PDE4D: variants seen among roughly 807,000 people sequenced by gnomAD.
PDE4D encodes 3',5'-cyclic-AMP phosphodiesterase 4D.
A neutral mutation model predicts 87.4 loss-of-function variants in PDE4D; 24 were observed. The ratio of observed to expected loss-of-function variants is 0.27; its 90% confidence interval spans 0.20 to 0.39. The LOEUF is 0.39. PDE4D is among the 10% of genes least tolerant of loss of function. The probability of loss-of-function intolerance (pLI) is 1.00; values close to 1 mark genes in which losing one functional copy is unlikely to be tolerated. For missense variants in PDE4D, 714 were observed against 1,041.0 expected (o/e 0.69, Z 4.32); for synonymous variants, 384 against 383.2 (o/e 1.00, Z -0.02).
intron 1 of PDE4D, among the ~76,000 whole-genome samples, chr5:59,638,476 G>A (rs561371146): frequency 6.6e-6 from 1 of 152,038 alleles, no homozygotes; most frequent in Non-Finnish European, 1.5e-5. Flanking sequence ...TAAAAAAAGG[G>A]AATTCATCAT....
chr5:59,830,906 T>C (rs935726515), intron 1 of PDE4D, among the ~76,000 whole-genome samples: 1 of 152,100 alleles, frequency 6.6e-6, no homozygotes, highest in East Asian at 1.9e-4. Flanking sequence ...TCACCTATCA[T>C]TTTAATGGTT....
chr5:59,808,485 T>G (rs921621409), intron 1 of PDE4D, among the ~76,000 whole-genome samples: 2 of 152,164 alleles, frequency 1.3e-5, no homozygotes, highest in Admixed American at 6.5e-5. Flanking sequence ...GGGCAAAGCC[T>G]GCTAATAAAC....
chr5:59,001,769 A>C (rs1292766167), intron 6 of PDE4D, among the ~76,000 whole-genome samples: 1 of 152,224 alleles, frequency 6.6e-6, no homozygotes, highest in Admixed American at 6.5e-5. Context: ...AAACTTTTTC[A>C]AAACTGTGAG....
intron 3 of PDE4D, among the ~76,000 whole-genome samples, chr5:59,952,633 T>C (rs914473116): frequency 6.6e-6 from 1 of 152,224 alleles, no homozygotes; most frequent in Non-Finnish European, 1.5e-5. Flanking sequence ...TGATGCTCTG[T>C]GGTTTCCAAG....
In PDE4D at chr5:59,694,389, G is replaced by A. The variant is rs368003344; in HGVS notation, c.455+198779C>T. ...ACTCTATGTCTATGTCTGGCACTGC[G>A]CAGTGAGCCTCTGTTCTTAAAGGAA... On this transcript the variant is annotated intron_variant, in intron 1 of 14. Transcript: ENST00000340635. Among the ~76,000 whole-genome samples the A allele has an allele frequency of 1.5e-3, 230 of 152,250 alleles. No homozygotes were observed. In the Middle Eastern group the frequency reaches 0.024, roughly 16 times the overall value.
chr5:59,698,654 A>T (rs1047890566), intron 1 of PDE4D, among the ~76,000 whole-genome samples: 1 of 152,286 alleles, frequency 6.6e-6, no homozygotes, highest in Non-Finnish European at 1.5e-5. Flanking sequence ...TAGCAAGAAC[A>T]TGAAGAAATG....
At chr5:59,750,534 A>C (rs1760286261) in intron 1 of PDE4D, among the ~76,000 whole-genome samples, 1 of 152,120 alleles carries the variant, frequency 6.6e-6, no homozygotes, top group Non-Finnish European at 1.5e-5. Flanking sequence ...GAAATGTCTT[A>C]CATACAACTC....
At chr5:60,070,405 A>G (rs144656891) in intron 2 of PDE4D, among the ~76,000 whole-genome samples, 9 of 152,234 alleles carry the variant, frequency 5.9e-5, no homozygotes, top group Non-Finnish European at 1.0e-4. Context: ...TGAGTTTTTA[A>G]TTAAAAGATG....
chr5:60,355,843 T>C (rs533602157), intron 1 of PDE4D, among the ~76,000 whole-genome samples: 64 of 151,614 alleles, frequency 4.2e-4, no homozygotes, highest in Non-Finnish European at 7.4e-4. Flanking sequence ...CATCTTTGCA[T>C]TGAGTAGGCT....
chr5:59,275,199 G>A, intron 1 of PDE4D: 1 of 640,316 alleles, frequency 1.6e-6, no homozygotes, highest in Non-Finnish European at 2.6e-6. Flanking sequence ...ATGAGTTTGG[G>A]AACAAAATAA....
At chr5:59,774,646 T>C (rs1763895583) in intron 1 of PDE4D, among the ~76,000 whole-genome samples, 1 of 152,084 alleles carries the variant, frequency 6.6e-6, no homozygotes, top group African/African-American at 2.4e-5. Context: ...ACGTTAACAT[T>C]TTATAGGGCA....
In PDE4D at chr5:60,014,674, A is replaced by C. The variant is rs141578984; in HGVS notation, c.43-25957T>G. 8.5e-4 allele frequency among the ~76,000 whole-genome samples: 129 copies of C among 152,360 alleles called. 4 individuals carry two copies. The East Asian group carries it at 0.018, about 22-fold the overall frequency. ...GACTTGGGGAAATAGCTTTCGCCCA[A>C]TGGAATGGAATATAACTGGATACAT... On this transcript the variant is annotated intron_variant, in intron 2 of 16. Coordinates refer to the PDE4D transcript ENST00000502484.
At chr5:59,060,120 T>G (rs1209287861) in intron 5 of PDE4D, among the ~76,000 whole-genome samples, 1 of 152,170 alleles carries the variant, frequency 6.6e-6, no homozygotes, top group African/African-American at 2.4e-5. Context: ...CCTGTATTTA[T>G]TGTTTTCTCT....
At chr5:59,573,991 C>T in intron 1 of PDE4D, among the ~76,000 whole-genome samples, 1 of 62,868 alleles carries the variant, frequency 1.6e-5, no homozygotes, top group Non-Finnish European at 3.0e-5. Flanking sequence ...AAGGGAGACT[C>T]TGTCTCAAAA....
chr5:59,683,044 G>A (rs1185213499), intron 1 of PDE4D, among the ~76,000 whole-genome samples: 1 of 152,146 alleles, frequency 6.6e-6, no homozygotes, highest in African/African-American at 2.4e-5. Context: ...AAAGTCTGTA[G>A]ATTAGATAAC....
intron 1 of PDE4D, among the ~76,000 whole-genome samples, chr5:60,205,862 G>A (rs1293974707): frequency 1.3e-5 from 2 of 152,076 alleles, no homozygotes; most frequent in East Asian, 3.9e-4. Flanking sequence ...ACTCCAACCT[G>A]GGCAGCAAAT....
intron 1 of PDE4D, among the ~76,000 whole-genome samples, chr5:59,661,554 T>C (rs1393133221): frequency 6.6e-6 from 1 of 152,234 alleles, no homozygotes; most frequent in Admixed American, 6.5e-5. Context: ...TTGCTAGTAA[T>C]TGAGTCATAC....
chr5:59,891,781 A>T (rs1228658018), intron 1 of PDE4D, among the ~76,000 whole-genome samples: 3 of 101,440 alleles, frequency 3.0e-5, no homozygotes, highest in African/African-American at 1.8e-4. Context: ...CAACAGAGAG[A>T]CATGCTCACA....
At chr5:59,178,942 AG>A (rs761021845) in intron 5 of PDE4D, among the ~76,000 whole-genome samples, 19 of 152,176 alleles carry the variant, frequency 1.2e-4, no homozygotes, top group Non-Finnish European at 2.6e-4. Flanking sequence ...TCATAAATGT[AG>A]GCCTGTCCAT....
Sources: allele counts gnomAD v4.1 joint callset (sites outside exome capture counted in the v4.1 genomes callset), GRCh38; gene constraint gnomAD v4.1.1; transcripts MANE v1.5; gene names NCBI Gene and HGNC (gene_info 2026-07-23, HGNC 2026-07-21).